Variants in PSPC1 observed in about 807,000 individuals in gnomAD.
PSPC1 encodes the protein paraspeckle component 1.
PSPC1 carries 14 observed loss-of-function variants against 51.6 expected under a neutral mutation model. That is an observed-to-expected ratio of 0.27 (90% CI 0.18 to 0.42). The LOEUF (loss-of-function observed/expected upper bound fraction) is 0.42, where lower values mean the gene tolerates loss of function less well. Among genes scored for constraint, PSPC1 ranks in the 10% least tolerant of loss-of-function variants. The pLI is 1.00. For synonymous variants in PSPC1, 193 were observed against 231.9 expected, an observed-to-expected ratio of 0.83 and a Z score of 1.53; for missense variants, 406 against 701.1, an observed-to-expected ratio of 0.58 and a Z score of 4.75.
intron 4 of PSPC1, among the ~76,000 whole-genome samples, chr13:19,748,754 G>A (rs1344662433): frequency 2.0e-5 from 3 of 147,966 alleles, no homozygotes; most frequent in African/African-American, 7.4e-5. Context: ...TAGGTAGGTG[G>A]GAAACAAAAT....
chr13:19,772,124 T>C, intron 2 of PSPC1, 118 bp downstream of exon 2: 2 of 1,112,288 alleles, frequency 1.8e-6, no homozygotes, highest in Non-Finnish European at 1.3e-6. Flanking sequence ...TCACTGAATA[T>C]TTACTCAACA....
intron 3 of PSPC1, 143 bp from the exon 4 acceptor site, chr13:19,751,610 C>T (rs1886561586): frequency 4.1e-6 from 2 of 483,682 alleles, no homozygotes; most frequent in East Asian, 6.9e-5. Context: ...ATTGTGATTA[C>T]AGGCCTGAGT....
intron 6 of PSPC1, among the ~76,000 whole-genome samples, chr13:19,691,638 C>T (rs1878560004): frequency 6.6e-6 from 1 of 151,896 alleles, no homozygotes; most frequent in African/African-American, 2.4e-5. Flanking sequence ...TTTACAAAGG[C>T]CGGGCGTGGT....
chr13:19,698,367 A>T (rs1237331166), downstream of PSPC1, among the ~76,000 whole-genome samples: 1 of 151,980 alleles, frequency 6.6e-6, no homozygotes, highest in African/African-American at 2.4e-5. Flanking sequence ...ACCATCAACA[A>T]AACACTTAAA....
Position 19,696,036 on chromosome 13 carries a change from T to C in PSPC1, c.1159-18213A>G, listed in dbSNP as rs1303409710. Among the ~76,000 whole-genome samples, 5 of 152,132 alleles carry C rather than the reference T, an allele frequency of 3.3e-5. No homozygotes were observed. In the East Asian group the frequency reaches 5.8e-4, roughly 18 times the overall value. On this transcript the variant is annotated intron_variant and NMD_transcript_variant, in intron 6 of 7. Transcript: ENST00000471658. ...GCCTCCACGAAGCGAGGAATCTGACTCTGAACAGAAGAAATGGGGGAGGGG... is the reference window on the plus strand; with the variant it reads ...GCCTCCACGAAGCGAGGAATCTGACCCTGAACAGAAGAAATGGGGGAGGGG...
chr13:19,696,440 A>G (rs1879246989), intron 6 of PSPC1, among the ~76,000 whole-genome samples: 1 of 152,034 alleles, frequency 6.6e-6, no homozygotes, highest in Non-Finnish European at 1.5e-5. Flanking sequence ...CTCATTATGA[A>G]CCAATTTAAT....
intron 6 of PSPC1, chr13:19,677,960 T>C: frequency 2.8e-6 from 1 of 352,880 alleles, no homozygotes; most frequent in South Asian, 2.1e-5. Flanking sequence ...TGCGTGCTGA[T>C]TATTTCCATT....
At chr13:19,777,722 C>T (rs1409104019) in intron 1 of PSPC1, among the ~76,000 whole-genome samples, 2 of 152,002 alleles carry the variant, frequency 1.3e-5, no homozygotes, top group Non-Finnish European at 2.9e-5. Context: ...CCAAGGCAGG[C>T]GGATCACAAG....
downstream of PSPC1, among the ~76,000 whole-genome samples, chr13:19,701,941 T>C (rs1328483432): frequency 6.6e-6 from 1 of 152,222 alleles, no homozygotes; most frequent in Non-Finnish European, 1.5e-5. Flanking sequence ...TATGACTTTG[T>C]TTTGCAATAA....
rs1045859199 is a variant in PSPC1, at chr13:19,732,292, T to A, written c.1053-1948A>T. On this transcript the variant is annotated intron_variant, in intron 5 of 8. Coordinates refer to ENST00000338910, the MANE Select transcript of PSPC1 (RefSeq NM_001354909.2). ...CCTGGATATTAACACATTTCATATA[T>A]TTTACTGTGAAGAAAGTACTTCACA... is the stretch of plus-strand genomic sequence containing the variant. 2.6e-5 allele frequency among the ~76,000 whole-genome samples: 4 copies of A among 152,296 alleles called. No homozygotes were observed. The East Asian group carries it at 7.7e-4, about 29-fold the overall frequency.
rs908245935 is a variant in PSPC1, at chr13:19,705,599, T to C, written c.1386+63A>G. ...ATACCAAATTATATTAAGTGTGAAG[T>C]TATCCTTGATGCAGAAGTGTACATT... On this transcript the variant is annotated intron_variant, in intron 8 of 8. Transcript: ENST00000338910. The C allele has an allele frequency of 5.9e-6, 7 of 1,191,650 alleles. No individual in the cohort carries two copies. In the African/African-American group the frequency reaches 7.9e-5, roughly 14 times the overall value. The allele number at this position is 1,191,650 out of a possible 1,614,324, so 73.8% of individuals were successfully genotyped here.
At chr13:19,687,012 C>T (rs1393671665) in intron 6 of PSPC1, among the ~76,000 whole-genome samples, 1 of 152,064 alleles carries the variant, frequency 6.6e-6, no homozygotes, top group Admixed American at 6.6e-5. Flanking sequence ...GCCTGGCTAA[C>T]ATGGTGAAAC....
rs10628032 is a variant in PSPC1 at position 19,721,032 on chromosome 13, C to CATAAA, written c.1158+9206_1158+9207insTTTAT. 1.3e-5 allele frequency among the ~76,000 whole-genome samples: 2 copies of CATAAA among 151,552 alleles called. 1 individual carries two copies. Among genetic ancestry groups the CATAAA allele is most frequent in the African/African-American group, 4.9e-5 (2 of 41,174 alleles). The stretch of plus-strand genomic sequence containing the variant: ...TCACTAGTTGTTACTTAATACTGAA[C>CATAAA]ATAGACATTATAATTTTTTAGTTTT... On this transcript the variant is annotated intron_variant, in intron 6 of 8. Transcript: ENST00000338910.
intron 6 of PSPC1, among the ~76,000 whole-genome samples, chr13:19,687,998 G>C (rs369613828): frequency 6.6e-6 from 1 of 151,662 alleles, no homozygotes; most frequent in South Asian, 2.1e-4. Flanking sequence ...CACTCTGATC[G>C]TATCTACTCC....
downstream of PSPC1, among the ~76,000 whole-genome samples, chr13:19,673,855 T>A (rs894587537): frequency 6.6e-6 from 1 of 152,212 alleles, no homozygotes; most frequent in Non-Finnish European, 1.5e-5. Flanking sequence ...AAAGGTTTAT[T>A]ATAACATTTA....
intron 5 of PSPC1, among the ~76,000 whole-genome samples, chr13:19,740,548 C>G (rs1885327665): frequency 6.6e-6 from 1 of 152,302 alleles, no homozygotes; most frequent in East Asian, 1.9e-4. Context: ...TTTCTTATCA[C>G]AAGCACCTTA....
intron 3 of PSPC1, among the ~76,000 whole-genome samples, chr13:19,751,831 G>C (rs907020216): frequency 2.0e-5 from 3 of 152,190 alleles, no homozygotes; most frequent in Non-Finnish European, 4.4e-5. Flanking sequence ...GCCGAGGCGG[G>C]CAGATCACGA....
At chr13:19,711,433 G>A (rs1881403917) in intron 6 of PSPC1, among the ~76,000 whole-genome samples, 1 of 151,984 alleles carries the variant, frequency 6.6e-6, no homozygotes, top group South Asian at 2.1e-4. Context: ...TCAGGAGATT[G>A]AGACCATCCT....
At chr13:19,692,691 C>CT (rs1397331570) in intron 6 of PSPC1, among the ~76,000 whole-genome samples, 5 of 152,188 alleles carry the variant, frequency 3.3e-5, no homozygotes, top group Non-Finnish European at 5.9e-5. Flanking sequence ...CCTGAACACA[C>CT]TTACCTTTGG....
Sources: gnomAD v4.1 joint callset for allele counts (sites outside exome capture counted in the v4.1 genomes callset) on GRCh38, gnomAD v4.1.1 for gene constraint, MANE v1.5 for transcripts, NCBI Gene and HGNC (gene_info 2026-07-23, HGNC 2026-07-21) for gene names.